Variants in EPHB1 observed in about 807,000 individuals in gnomAD.
EPHB1 encodes ephrin type-B receptor 1.
In EPHB1, 30 loss-of-function variants were observed where a neutral mutation model predicts 94.4. That is an observed-to-expected ratio of 0.32 (90% confidence interval 0.24 to 0.43). The LOEUF is 0.43. Ranked by LOEUF, EPHB1 falls within the 20% of genes least tolerant of loss-of-function variation. The pLI, the probability that EPHB1 is intolerant of heterozygous loss-of-function variation, is 1.00. For synonymous variants in EPHB1, 522 were observed against 489.1 expected, an observed-to-expected ratio of 1.07 and a Z score of -0.89; for missense variants, 1,055 against 1,308.3, an observed-to-expected ratio of 0.81 and a Z score of 2.99.
At chr3:135,148,922 C>T (rs367886110) in intron 5 of EPHB1, among the ~76,000 whole-genome samples, 38 of 152,318 alleles carry the variant, frequency 2.5e-4, no homozygotes, top group African/African-American at 7.9e-4. Context: ...CTCTCTTCTT[C>T]GACACTCTCA....
intron 3 of EPHB1, among the ~76,000 whole-genome samples, chr3:134,954,694 A>G (rs1220583618): frequency 6.6e-6 from 1 of 152,236 alleles, no homozygotes; most frequent in East Asian, 1.9e-4. Context: ...GTAGGGTGGC[A>G]GAAAGAATAA....
chr3:134,925,930 C>T, intron 2 of EPHB1, 50 bp downstream of exon 2: 1 of 1,499,018 alleles, frequency 6.7e-7, no homozygotes, highest in Non-Finnish European at 9.1e-7. Flanking sequence ...GTCCTGGATC[C>T]ATATGATATC....
At chr3:135,151,427 C>CATCT (rs1180499805) in intron 5 of EPHB1, among the ~76,000 whole-genome samples, 1 of 152,206 alleles carries the variant, frequency 6.6e-6, no homozygotes, top group African/African-American at 2.4e-5. Context: ...TGTGCTCCTG[C>CATCT]ATCTGCTTCT....
At chr3:134,929,010 A>T (rs941214602) in intron 2 of EPHB1, among the ~76,000 whole-genome samples, 1 of 152,200 alleles carries the variant, frequency 6.6e-6, no homozygotes, top group African/African-American at 2.4e-5. Context: ...AGAGGGGCCC[A>T]GCACAGGAAG....
chr3:135,065,769 A>G (rs150007462), intron 3 of EPHB1, among the ~76,000 whole-genome samples: 2 of 152,096 alleles, frequency 1.3e-5, no homozygotes, highest in East Asian at 3.9e-4. Flanking sequence ...TTGCTTTTTA[A>G]ATTGTACTTT....
At chr3:134,829,119 G>A (rs2036537045) in intron 1 of EPHB1, among the ~76,000 whole-genome samples, 1 of 152,198 alleles carries the variant, frequency 6.6e-6, no homozygotes, top group Non-Finnish European at 1.5e-5. Context: ...CATATGGAGT[G>A]TGCTATTTTT....
At chr3:135,194,518 G>T (rs80265948) in intron 11 of EPHB1, among the ~76,000 whole-genome samples, 2 of 152,156 alleles carry the variant, frequency 1.3e-5, no homozygotes. Context: ...TATGAAGGCC[G>T]AAGTAAATGT....
intron 1 of EPHB1, among the ~76,000 whole-genome samples, chr3:134,837,318 C>T (rs1024850668): frequency 6.6e-6 from 1 of 152,060 alleles, no homozygotes; most frequent in Non-Finnish European, 1.5e-5. Flanking sequence ...TATTTGGTTA[C>T]AAAAAAACAA....
intron 9 of EPHB1, among the ~76,000 whole-genome samples, chr3:135,179,643 AT>A (rs1194650272): frequency 6.6e-6 from 1 of 152,202 alleles, no homozygotes; most frequent in East Asian, 1.9e-4. Context: ...AGAAGAAAAT[AT>A]GGAGGAGAAG....
intron 3 of EPHB1, among the ~76,000 whole-genome samples, chr3:135,027,536 G>C (rs1315409233): frequency 6.7e-6 from 1 of 149,134 alleles, no homozygotes; most frequent in Non-Finnish European, 1.5e-5. Flanking sequence ...TGCGTATATT[G>C]AACCAGCCTT....
chr3:134,933,305 A>G (rs1020764454), intron 2 of EPHB1, among the ~76,000 whole-genome samples: 1 of 152,144 alleles, frequency 6.6e-6, no homozygotes, highest in African/African-American at 2.4e-5. Flanking sequence ...GGAGAAGATC[A>G]GACATCTCCT....
chr3:135,144,034 A>G (rs941831171), intron 5 of EPHB1, among the ~76,000 whole-genome samples: 3 of 152,142 alleles, frequency 2.0e-5, no homozygotes, highest in Admixed American at 2.0e-4. Context: ...AAGGGGTCCC[A>G]GAAGGCAGTG....
chr3:135,249,488 C>T lies in EPHB1; in HGVS notation c.2843C>T (p.Ser948Leu), dbSNP rs760621456. The T allele has an allele frequency of 6.2e-6, 10 of 1,613,050 alleles. No homozygotes were observed. The highest frequency in any genetic ancestry group is 8.5e-6 in the Non-Finnish European group (10 of 1,179,402). Residue 948 changes from serine (S) to leucine (L), a missense_variant, in exon 15 of 16, where the codon TCA (serine) becomes TTA (leucine). Transcript: ENST00000398015. ...TSLQLVTQMT[S>L]EDLLRIGITL... ...CTCCAGCTGGTCACCCAGATGACATCAGAGTAAGTGATGAGAATCTCTCTG... is the reference window on the plus strand; with the variant it reads ...CTCCAGCTGGTCACCCAGATGACATTAGAGTAAGTGATGAGAATCTCTCTG...
chr3:135,174,069 T>C (rs1271431353), intron 9 of EPHB1, among the ~76,000 whole-genome samples: 1 of 152,154 alleles, frequency 6.6e-6, no homozygotes, highest in African/African-American at 2.4e-5. Flanking sequence ...TGAATTTGTA[T>C]TACATAACAA....
At chr3:135,138,985 C>T (rs914359737) in intron 5 of EPHB1, among the ~76,000 whole-genome samples, 1 of 152,226 alleles carries the variant, frequency 6.6e-6, no homozygotes, top group African/African-American at 2.4e-5. Context: ...TTGGCAACCT[C>T]GCAGTCCTCC....
rs2107698281 is a variant in EPHB1, at chr3:135,162,126, G to A, written c.1531G>A (p.Val511Ile). The A allele has an allele frequency of 1.2e-6, 2 of 1,612,202 alleles. No homozygotes were observed. Among genetic ancestry groups the A allele is most frequent in the Non-Finnish European group, 1.7e-6 (2 of 1,178,908 alleles). Residue 511 changes from valine (V) to isoleucine (I), a missense_variant, in exon 7 of 16, where the codon GTT becomes ATT. Val to Ile is a conservative substitution (Grantham distance 29). Transcript: ENST00000398015. ...VYVVQVRART[V>I]AGYGKFSGKM... Reference sequence around the variant, plus strand: ...TGTGGTACAGGTGCGTGCCCGCACTGTTGCTGGCTACGGCAAGTTCAGTGG... The same window carrying A: ...TGTGGTACAGGTGCGTGCCCGCACTATTGCTGGCTACGGCAAGTTCAGTGG...
At chr3:135,099,836 T>C in intron 3 of EPHB1, among the ~76,000 whole-genome samples, 1 of 152,114 alleles carries the variant, frequency 6.6e-6, no homozygotes, top group East Asian at 1.9e-4. Context: ...TCTTACAGAA[T>C]GAGAACAAAG....
intron 1 of EPHB1, among the ~76,000 whole-genome samples, chr3:134,859,841 G>C (rs768077827): frequency 6.6e-6 from 1 of 152,046 alleles, no homozygotes; most frequent in African/African-American, 2.4e-5. Flanking sequence ...AATTTATACG[G>C]CCGCAATCAT....
chr3:134,813,157 A>G (rs1428488455), intron 1 of EPHB1, among the ~76,000 whole-genome samples: 1 of 152,182 alleles, frequency 6.6e-6, no homozygotes, highest in African/African-American at 2.4e-5. Context: ...TATGCCCCCA[A>G]ACAGGGGCCA....
Sources: allele counts gnomAD v4.1 joint callset (sites outside exome capture counted in the v4.1 genomes callset), GRCh38; gene constraint gnomAD v4.1.1; transcripts MANE v1.5; gene names NCBI Gene and HGNC (gene_info 2026-07-23, HGNC 2026-07-21).